MGA: variants seen among roughly 807,000 people sequenced by gnomAD.
The protein encoded by MGA is MAX dimerization protein MGA, also known as MAX gene-associated protein.
A neutral mutation model predicts 261.1 loss-of-function variants in MGA; 40 were observed. That is an observed-to-expected ratio of 0.15 (90% CI 0.12 to 0.20). The LOEUF (loss-of-function observed/expected upper bound fraction) is 0.20. Among genes scored for constraint, MGA ranks in the 10% least tolerant of loss-of-function variants. MGA has a pLI of 1.00. For missense variants in MGA, 3,397 were observed against 3,630.5 expected, an observed-to-expected ratio of 0.94 and a Z score of 1.65; for synonymous variants, 1,302 against 1,290.6, an observed-to-expected ratio of 1.01 and a Z score of -0.19.
intron 11 of MGA, among the ~76,000 whole-genome samples, chr15:41,733,922 C>CTTTTTTTTT (rs143496306): frequency 3.4e-5 from 5 of 145,254 alleles, no homozygotes; most frequent in African/African-American, 7.6e-5. Flanking sequence ...TTGTTTCTTT[C>CTTTTTTTTT]TTTTTTTTTT....
chr15:41,764,767 C>A, intron 22 of MGA, 119 bp from the exon 23 acceptor site: 3 of 1,005,952 alleles, frequency 3.0e-6, no homozygotes, highest in Non-Finnish European at 4.4e-6. Flanking sequence ...TGGTCTTGAA[C>A]TCCTGGGCTC....
intron 6 of MGA, 84 bp from the exon 7 acceptor site, chr15:41,708,020 C>G (rs995009456): frequency 8.7e-6 from 12 of 1,373,258 alleles, no homozygotes; most frequent in Admixed American, 5.1e-5. Flanking sequence ...ATACACTTAC[C>G]AAATTAAAGT....
At chr15:41,637,540 A>G (rs1373160570) in intron 1 of MGA, among the ~76,000 whole-genome samples, 1 of 152,162 alleles carries the variant, frequency 6.6e-6, no homozygotes, top group Non-Finnish European at 1.5e-5. Context: ...AAAGGCTCCC[A>G]GAAGGAATGT....
chr15:41,761,481 A>C (rs142973460), intron 20 of MGA, among the ~76,000 whole-genome samples: 51 of 152,342 alleles, frequency 3.3e-4, no homozygotes, highest in Non-Finnish European at 5.9e-4. Flanking sequence ...ATCTCCTCGC[A>C]GTGGTGGAAT....
chr15:41,644,158 G>T (rs144390237), intron 1 of MGA, among the ~76,000 whole-genome samples: 117 of 151,702 alleles, frequency 7.7e-4, no homozygotes, highest in Non-Finnish European at 1.4e-3. Flanking sequence ...TACATAATAA[G>T]ACATTTCTTC....
intron 2 of MGA, among the ~76,000 whole-genome samples, chr15:41,694,004 A>C (rs1218465913): frequency 6.6e-6 from 1 of 152,110 alleles, no homozygotes; most frequent in African/African-American, 2.4e-5. Flanking sequence ...CTTAGATTTT[A>C]AGAAATATTC....
chr15:41,636,302 AT>A (rs2056704234), intron 1 of MGA, among the ~76,000 whole-genome samples: 1 of 149,622 alleles, frequency 6.7e-6, no homozygotes, highest in Non-Finnish European at 1.5e-5. Flanking sequence ...ATTTTATTTT[AT>A]TTTTTTTGAG....
chr15:41,663,131 G>A (rs1306922403), intron 1 of MGA, among the ~76,000 whole-genome samples: 1 of 152,062 alleles, frequency 6.6e-6, no homozygotes, highest in East Asian at 1.9e-4. Flanking sequence ...CATTAAAATA[G>A]GGAGTCTGAA....
chr15:41,707,651 A>G lies in MGA; in HGVS notation c.2189-77A>G, dbSNP rs376972268. 1.4e-5 allele frequency: 20 copies of G among 1,382,362 alleles called. No individual in the cohort carries two copies. In the African/African-American group the frequency reaches 2.6e-4, roughly 18 times the overall value. The allele number at this position is 1,382,362 out of a possible 1,614,324, so 85.6% of individuals were successfully genotyped here. A position where few individuals can be genotyped will look rare whatever the true frequency, so the allele number is the denominator to read the frequency against. The stretch of plus-strand genomic sequence containing the variant: ...CTTACCCCCCCGCCATCTCCCAGGC[A>G]CAAGTTAAAAACAAAGAAGGGAGAT... On this transcript the variant is annotated intron_variant, in intron 5 of 23. Transcript: ENST00000219905.
intron 14 of MGA, 149 bp downstream of exon 14, chr15:41,740,352 T>A (rs1224132514): frequency 4.6e-6 from 4 of 867,780 alleles, no homozygotes; most frequent in Non-Finnish European, 6.9e-6. Context: ...CTTTTTTGAT[T>A]GTTTGGGGTT....
chr15:41,749,219 T>G lies in MGA; in HGVS notation c.5612T>G (p.Val1871Gly). The stretch of plus-strand genomic sequence containing the variant: ...GTCATGAATCCTGTAATTCAAGCTG[T>G]TGGGTCTTCTTCAGCAGTGAATGTT... The change falls in exon 17 of 24, where the codon GTT becomes GGT. Residue 1871 changes from valine to glycine, a missense_variant. Around this residue, in one of 9 missense-constraint regions of MGA, gnomAD observed 1,410 missense variants for 1,386.4 expected, o/e 1.02. Transcript: ENST00000219905. 1 of 1,614,016 alleles carries G rather than the reference T, an allele frequency of 6.2e-7. No homozygotes were observed. Among genetic ancestry groups the G allele is most frequent in the South Asian group, 1.1e-5 (1 of 91,082 alleles).
At chr15:41,682,456 C>G (rs2058734373) in intron 2 of MGA, among the ~76,000 whole-genome samples, 1 of 151,980 alleles carries the variant, frequency 6.6e-6, no homozygotes, top group Non-Finnish European at 1.5e-5. Flanking sequence ...TTTACATTTG[C>G]TATTTTCATA....
chr15:41,732,773 T>A (rs1247214928), intron 11 of MGA, among the ~76,000 whole-genome samples: 1 of 152,200 alleles, frequency 6.6e-6, no homozygotes, highest in African/African-American at 2.4e-5. Flanking sequence ...ATTAATACAT[T>A]AACTACGTAG....
chr15:41,710,737 T>C lies in MGA; in HGVS notation c.2472T>C (p.Ser824=). 6.2e-7 allele frequency: 1 copy of C among 1,613,472 alleles called. No homozygotes were observed. The highest frequency in any genetic ancestry group is 8.5e-7 in the Non-Finnish European group (1 of 1,179,684). ...TGAAAAATCGTTCTGCTTTCTGTAGTGATAAGCTAGATGAATACTTGGAAA... is the reference window on the plus strand; with the variant it reads ...TGAAAAATCGTTCTGCTTTCTGTAGCGATAAGCTAGATGAATACTTGGAAA... Residue 824 remains serine (S), a synonymous_variant, in exon 8 of 24, where the codon AGT becomes AGC. Coordinates refer to ENST00000219905, the MANE Select transcript of MGA (RefSeq NM_001164273.2).
intron 15 of MGA, among the ~76,000 whole-genome samples, chr15:41,745,322 T>A (rs2062394279): frequency 6.8e-6 from 1 of 147,402 alleles, no homozygotes; most frequent in Admixed American, 6.7e-5. Flanking sequence ...CAGCATTAAT[T>A]GGAAACCAGC....
chr15:41,666,941 T>C (rs944194161), intron 1 of MGA, among the ~76,000 whole-genome samples: 1 of 152,220 alleles, frequency 6.6e-6, no homozygotes, highest in Non-Finnish European at 1.5e-5. Context: ...TAGGATGATA[T>C]ATGGATTTGT....
In MGA at chr15:41,767,451, C is replaced by A. The variant is rs2063857017; in HGVS notation, c.*171C>A. Reference sequence around the variant, plus strand: ...GGTGCTGACCCTGGTATAAGAAGTACTCTGAAATTCTGATCATGTTAAAAT... The same window carrying A: ...GGTGCTGACCCTGGTATAAGAAGTAATCTGAAATTCTGATCATGTTAAAAT... On this transcript the variant is annotated 3_prime_UTR_variant, in exon 24 of 24. Transcript: ENST00000219905. The A allele has an allele frequency of 4.5e-6, 3 of 666,338 alleles. No individual in the cohort carries two copies. Among genetic ancestry groups the A allele is most frequent in the Admixed American group, 5.9e-5 (2 of 34,072 alleles). 41.3% of individuals were successfully genotyped at this position (666,338 alleles called of 1,614,324 possible). A position where few individuals can be genotyped will look rare whatever the true frequency, so the allele number is the denominator to read the frequency against.
At chr15:41,691,087 G>A (rs1029030261) in intron 2 of MGA, among the ~76,000 whole-genome samples, 8 of 149,210 alleles carry the variant, frequency 5.4e-5, no homozygotes, top group African/African-American at 2.0e-4. Flanking sequence ...CACAGATGGA[G>A]TTTTGGTAGA....
At chr15:41,639,977 A>G (rs928669287) in intron 1 of MGA, among the ~76,000 whole-genome samples, 1 of 152,192 alleles carries the variant, frequency 6.6e-6, no homozygotes, top group South Asian at 2.1e-4. Context: ...CAATCTGTCA[A>G]GGATGATGAG....
Sources: allele counts gnomAD v4.1 joint callset (sites outside exome capture counted in the v4.1 genomes callset), GRCh38; gene constraint gnomAD v4.1.1; regional missense constraint gnomAD v4.1.1; transcripts MANE v1.5; gene names NCBI Gene and HGNC (gene_info 2026-07-23, HGNC 2026-07-21).